FBXL13: variants seen among roughly 807,000 people sequenced by gnomAD.
The protein encoded by FBXL13 is F-box and leucine-rich repeat protein 13.
In FBXL13, 67 loss-of-function variants were observed where a neutral mutation model predicts 83.6. The ratio of observed to expected loss-of-function variants is 0.80; its 90% CI spans 0.66 to 0.98. The LOEUF is 0.98. Ranked by LOEUF, FBXL13 falls within the 50% of genes least tolerant of loss-of-function variation. The probability of loss-of-function intolerance (pLI) is 0.00; values close to 1 mark genes in which losing one functional copy is unlikely to be tolerated. For missense variants in FBXL13, 822 were observed against 866.5 expected (o/e 0.95, Z 0.64); for synonymous variants, 272 against 299.5 (o/e 0.91, Z 0.95).
chr7:102,881,436 CAAAAAA>C (rs34979881), intron 14 of FBXL13, among the ~76,000 whole-genome samples: 1 of 61,416 alleles, frequency 1.6e-5, no homozygotes, highest in Admixed American at 1.8e-4. Flanking sequence ...GACTCCATCT[CAAAAAA>C]AAAAAAAAAA....
chr7:103,038,515 A>G (rs1170386870), intron 2 of FBXL13, among the ~76,000 whole-genome samples: 2 of 152,252 alleles, frequency 1.3e-5, no homozygotes, highest in Non-Finnish European at 2.9e-5. Context: ...CTCCTCAAGC[A>G]GGTCCCTGAC....
intron 8 of FBXL13, among the ~76,000 whole-genome samples, chr7:102,941,161 G>A (rs186437234): frequency 6.6e-6 from 1 of 152,276 alleles, no homozygotes; most frequent in East Asian, 1.9e-4. Context: ...ATGCTAACTT[G>A]GGAGTATGTT....
At chr7:102,873,847 G>C (rs908443506) in intron 16 of FBXL13, among the ~76,000 whole-genome samples, 2 of 152,120 alleles carry the variant, frequency 1.3e-5, no homozygotes, top group Admixed American at 6.5e-5. Flanking sequence ...TTGGCTCACA[G>C]AACACCTTTC....
In FBXL13 at chr7:102,879,648, A is replaced by T. The variant is rs1809755314; in HGVS notation, c.1389-1198T>A. Among the ~76,000 whole-genome samples the T allele has an allele frequency of 2.0e-5, 3 of 152,132 alleles. No homozygotes were observed. The South Asian group carries it at 6.2e-4, about 32-fold the overall frequency. ...ATACACAAGCTGGGGTTTCATCCCT[A>T]AAGATTCAGACTCAATAGCTCTGAA... On this transcript the variant is annotated intron_variant, in intron 14 of 19. Transcript: ENST00000313221.
At chr7:103,032,620 T>TA (rs1794622375) in intron 2 of FBXL13, among the ~76,000 whole-genome samples, 1 of 152,256 alleles carries the variant, frequency 6.6e-6, no homozygotes, top group South Asian at 2.1e-4. Context: ...AAAAAAGTTT[T>TA]AGTTTTTCCT....
At chr7:102,934,397 G>A (rs1481023334) in intron 8 of FBXL13, 13 of 1,614,022 alleles carry the variant, frequency 8.1e-6, no homozygotes, top group Admixed American at 6.7e-5. Context: ...GCGTCTTTAT[G>A]ACAACCCCTG....
chr7:102,968,141 A>G, intron 6 of FBXL13, 24 bp from the exon 8 acceptor site: 2 of 1,525,668 alleles, frequency 1.3e-6, no homozygotes, highest in Non-Finnish European at 1.8e-6. Context: ...AAAATACACA[A>G]CTTTGAAAAA....
intron 2 of FBXL13, among the ~76,000 whole-genome samples, chr7:103,042,394 C>A (rs1795816734): frequency 6.6e-6 from 1 of 152,168 alleles, no homozygotes; most frequent in Non-Finnish European, 1.5e-5. Context: ...AATGGCCATA[C>A]AACCCAAGGT....
At chr7:102,830,351 G>A (rs956361194) in intron 18 of FBXL13, among the ~76,000 whole-genome samples, 2 of 152,170 alleles carry the variant, frequency 1.3e-5, no homozygotes, top group Admixed American at 1.3e-4. Flanking sequence ...AGCCAGGGCA[G>A]TTCTCACTTC....
chr7:102,823,271 T>C (rs1799068419), intron 18 of FBXL13, among the ~76,000 whole-genome samples: 1 of 152,168 alleles, frequency 6.6e-6, no homozygotes, highest in Non-Finnish European at 1.5e-5. Context: ...AAAACATATG[T>C]TTAATAACAT....
At chr7:103,047,236 T>C (rs1348404460) in intron 2 of FBXL13, among the ~76,000 whole-genome samples, 3 of 152,188 alleles carry the variant, frequency 2.0e-5, no homozygotes, top group East Asian at 3.8e-4. Context: ...AGTCATTATA[T>C]CAATATATTC....
At chr7:102,869,286 G>A (rs1056340480) in intron 16 of FBXL13, among the ~76,000 whole-genome samples, 6 of 152,094 alleles carry the variant, frequency 3.9e-5, no homozygotes, top group African/African-American at 1.4e-4. Context: ...GTCTTCTTTT[G>A]AGAAATATCT....
intron 6 of FBXL13, among the ~76,000 whole-genome samples, chr7:103,009,097 T>TAGG (rs1454024495): frequency 6.6e-6 from 1 of 151,438 alleles, no homozygotes; most frequent in East Asian, 1.9e-4. Context: ...GTCAAAGGCA[T>TAGG]AGGAGTTCAC....
chr7:103,005,150 G>A (rs1315745415), intron 6 of FBXL13, among the ~76,000 whole-genome samples: 1 of 152,052 alleles, frequency 6.6e-6, no homozygotes, highest in Non-Finnish European at 1.5e-5. Context: ...TATTAATAAT[G>A]GCCCAAAAGT....
chr7:102,874,783 T>C (rs998364595), intron 16 of FBXL13, among the ~76,000 whole-genome samples: 3 of 152,130 alleles, frequency 2.0e-5, no homozygotes, highest in Non-Finnish European at 4.4e-5. Flanking sequence ...CCCAGGCTGG[T>C]CTCAAATTCT....
intron 11 of FBXL13, among the ~76,000 whole-genome samples, chr7:102,893,952 A>G (rs1811893157): frequency 1.5e-5 from 2 of 130,802 alleles, no homozygotes; most frequent in South Asian, 4.8e-4. Flanking sequence ...GAAAGAAAGA[A>G]AGAAAGAAAG....
chr7:102,830,983 A>C (rs147241982), intron 18 of FBXL13, among the ~76,000 whole-genome samples: 1 of 152,328 alleles, frequency 6.6e-6, no homozygotes, highest in East Asian at 1.9e-4. Context: ...ACTAATCGGA[A>C]GGTCAGAGTA....
intron 8 of FBXL13, among the ~76,000 whole-genome samples, chr7:102,953,387 G>A (rs549164052): frequency 1.0e-3 from 154 of 152,096 alleles, no homozygotes; most frequent in Non-Finnish European, 2.0e-3. Context: ...TGTAATATAC[G>A]CAATAATAAT....
chr7:103,001,377 T>C (rs938413711), intron 6 of FBXL13, among the ~76,000 whole-genome samples: 17 of 152,194 alleles, frequency 1.1e-4, no homozygotes, highest in Admixed American at 3.9e-4. Flanking sequence ...CAGCCACTCA[T>C]TGTCTTTTAA....
Sources: allele counts gnomAD v4.1 joint callset (sites outside exome capture counted in the v4.1 genomes callset), GRCh38; gene constraint gnomAD v4.1.1; transcripts MANE v1.5; gene names NCBI Gene and HGNC (gene_info 2026-07-23, HGNC 2026-07-21).